Variants in JAK1 observed in about 807,000 individuals in gnomAD.
JAK1 encodes tyrosine-protein kinase JAK1.
A neutral mutation model predicts 136.6 loss-of-function variants in JAK1; 16 were observed. The ratio of observed to expected loss-of-function variants is 0.12; its 90% CI spans 0.08 to 0.18. The LOEUF (loss-of-function observed/expected upper bound fraction) is 0.18, where lower values mean the gene tolerates loss of function less well. Ranked by LOEUF, JAK1 falls within the 10% of genes least tolerant of loss-of-function variation. JAK1 has a pLI of 1.00. For synonymous variants in JAK1, 492 were observed against 519.5 expected, an observed-to-expected ratio of 0.95 and a Z score of 0.72; for missense variants, 859 against 1,450.1, an observed-to-expected ratio of 0.59 and a Z score of 6.62.
rs563230249 is a variant in JAK1 at position 64,850,997 on chromosome 1, A to T, written c.1649-87T>A. The stretch of plus-strand genomic sequence containing the variant: ...ACGTCTGCTGAGCCGGGGCCGTGGG[A>T]CCGGTGTGCGGGCGCTTGCTGCTTC... On this transcript the variant is annotated intron_variant, in intron 11 of 24. Transcript: ENST00000342505. 3.6e-4 allele frequency: 311 copies of T among 870,934 alleles called. 1 individual carries two copies. The African/African-American group carries it at 4.5e-3, about 13-fold the overall frequency. The allele number at this position is 870,934 out of a possible 1,614,324, so 54.0% of individuals were successfully genotyped here. A position where few individuals can be genotyped will look rare whatever the true frequency, so the allele number is the denominator to read the frequency against.
chr1:64,925,445 AG>A (rs1014075233), intron 1 of JAK1, among the ~76,000 whole-genome samples: 21 of 152,160 alleles, frequency 1.4e-4, no homozygotes, highest in African/African-American at 4.8e-4. Flanking sequence ...AAGAAAATAA[AG>A]CCTTAAGGAA....
At chr1:64,937,364 C>G (rs950011258) in intron 1 of JAK1, among the ~76,000 whole-genome samples, 10 of 152,288 alleles carry the variant, frequency 6.6e-5, no homozygotes, top group African/African-American at 2.4e-4. Context: ...AGTCACAGTC[C>G]TGACCAGCAC....
In JAK1 at chr1:64,844,327, T is replaced by G. The variant is rs1264635012; in HGVS notation, c.2252-112A>C. On this transcript the variant is annotated intron_variant, in intron 16 of 24. Coordinates refer to ENST00000342505, the MANE Select transcript of JAK1 (RefSeq NM_002227.4). The surrounding 1 kb of genome is among the most constrained non-coding windows in gnomAD (Gnocchi z 5.7). ...AATGAAGGAACTACTTCAAGCAGTG[T>G]GCCCAAACATGGCCCATGGCCACAT... The G allele has an allele frequency of 1.4e-6, 2 of 1,402,924 alleles. No homozygotes were observed. Among genetic ancestry groups the G allele is most frequent in the Non-Finnish European group, 2.0e-6 (2 of 1,000,992 alleles). The allele number at this position is 1,402,924 out of a possible 1,614,324, so 86.9% of individuals were successfully genotyped here.
chr1:64,986,582 AGTT>A (rs528532854), intron 2 of JAK1, among the ~76,000 whole-genome samples: 1 of 151,566 alleles, frequency 6.6e-6, no homozygotes, highest in Admixed American at 6.6e-5. Context: ...TATCTTCTAA[AGTT>A]GTTGTGAAGA....
chr1:64,914,024 T>A (rs1185523997), intron 1 of JAK1, among the ~76,000 whole-genome samples: 1 of 152,082 alleles, frequency 6.6e-6, no homozygotes, highest in African/African-American at 2.4e-5. Flanking sequence ...GCAGGCGTGG[T>A]CAACCCTCTA....
chr1:64,998,353 C>T (rs949204564), intron 2 of JAK1, among the ~76,000 whole-genome samples: 3 of 152,114 alleles, frequency 2.0e-5, no homozygotes, highest in Admixed American at 6.5e-5. Context: ...GTTTTTAACC[C>T]TTTGTACAAG....
At chr1:65,014,886 C>T (rs900693651) in intron 2 of JAK1, among the ~76,000 whole-genome samples, 6 of 151,828 alleles carry the variant, frequency 4.0e-5, no homozygotes, top group Admixed American at 6.6e-5. Flanking sequence ...AGGGTTTCAC[C>T]GTGTTAGCCA....
chr1:65,019,368 C>A (rs905144536), intron 2 of JAK1, among the ~76,000 whole-genome samples: 3 of 151,262 alleles, frequency 2.0e-5, no homozygotes, highest in Non-Finnish European at 4.4e-5. Context: ...GCAAGTGTAT[C>A]CTAGGAATAC....
chr1:64,943,412 T>A (rs1416319161), intron 1 of JAK1, among the ~76,000 whole-genome samples: 1 of 152,068 alleles, frequency 6.6e-6, no homozygotes, highest in African/African-American at 2.4e-5. Flanking sequence ...TTTTATAGAG[T>A]TTTAGTGTAA....
intron 2 of JAK1, chr1:64,992,025 A>G (rs1012433312): frequency 1.3e-5 from 2 of 152,242 alleles, no homozygotes; most frequent in Non-Finnish European, 1.5e-5. Flanking sequence ...CAGATTCAAC[A>G]CAATCCCTAT....
intron 2 of JAK1, among the ~76,000 whole-genome samples, chr1:64,996,514 T>C (rs1646705418): frequency 2.0e-5 from 3 of 152,214 alleles, no homozygotes; most frequent in African/African-American, 4.8e-5. Flanking sequence ...AAATTGGACT[T>C]TTCCTTCCAC....
intron 1 of JAK1, among the ~76,000 whole-genome samples, chr1:64,905,920 C>T (rs1005455221): frequency 4.6e-5 from 7 of 152,186 alleles, no homozygotes; most frequent in Non-Finnish European, 8.8e-5. Flanking sequence ...CCCAAGGACT[C>T]AGGCCTCAAT....
intron 2 of JAK1, among the ~76,000 whole-genome samples, chr1:65,041,980 T>C (rs906203065): frequency 3.3e-5 from 5 of 151,828 alleles, no homozygotes; most frequent in Middle Eastern, 3.4e-3. Context: ...GAGGCGGAGG[T>C]TGCAGTGAGC....
chr1:65,052,055 AC>A (rs1647303021), intron 1 of JAK1, among the ~76,000 whole-genome samples: 1 of 151,010 alleles, frequency 6.6e-6, no homozygotes, highest in African/African-American at 2.4e-5. Context: ...TCCTGGGCTC[AC>A]GCAATCCTGC....
rs1241098109 is a variant in JAK1, at chr1:64,833,501, T to C, written c.*1061A>G. Reference sequence around the variant, plus strand: ...GAATCAATGACTAAACATTTTTGATTACCCAGCTACCTCCAAGCAAACTGA... The same window carrying C: ...GAATCAATGACTAAACATTTTTGATCACCCAGCTACCTCCAAGCAAACTGA... On this transcript the variant is annotated 3_prime_UTR_variant, in exon 25 of 25. Coordinates refer to ENST00000342505, the MANE Select transcript of JAK1 (RefSeq NM_002227.4). The C allele has an allele frequency of 4.3e-6, 1 of 232,918 alleles. No homozygotes were observed. The highest frequency in any genetic ancestry group is 8.5e-6 in the Non-Finnish European group (1 of 117,828). The allele number at this position is 232,918 out of a possible 1,614,324, so 14.4% of individuals were successfully genotyped here.
chr1:64,920,819 T>C (rs1028077102), intron 1 of JAK1, among the ~76,000 whole-genome samples: 4 of 152,146 alleles, frequency 2.6e-5, no homozygotes, highest in South Asian at 4.1e-4. Flanking sequence ...TAGGAGTCCA[T>C]ATATTCCTGC....
intron 1 of JAK1, among the ~76,000 whole-genome samples, chr1:64,890,491 A>G (rs1644918425): frequency 6.6e-6 from 1 of 152,244 alleles, no homozygotes; most frequent in African/African-American, 2.4e-5. Context: ...AAGAGGAAAC[A>G]TCCTGCCTAG....
chr1:64,929,943 A>G (rs1645658841), intron 1 of JAK1, among the ~76,000 whole-genome samples: 2 of 152,234 alleles, frequency 1.3e-5, no homozygotes, highest in Non-Finnish European at 2.9e-5. Flanking sequence ...AGGATTCCCT[A>G]TTTAATAAAT....
intron 12 of JAK1, among the ~76,000 whole-genome samples, chr1:64,850,423 A>G (rs1416367837): frequency 6.6e-6 from 1 of 152,226 alleles, no homozygotes; most frequent in Non-Finnish European, 1.5e-5. Context: ...GCATCATCAG[A>G]AAGTGCAGGA....
Sources: allele counts gnomAD v4.1 joint callset (sites outside exome capture counted in the v4.1 genomes callset), GRCh38; gene constraint gnomAD v4.1.1; non-coding constraint Gnocchi (gnomAD v3.1); transcripts MANE v1.5; gene names NCBI Gene and HGNC (gene_info 2026-07-23, HGNC 2026-07-21).